The following CNTNAP2 variants were observed in gnomAD, a reference collection of about 807,000 sequenced individuals.
CNTNAP2 encodes the protein contactin-associated protein-like 2.
A neutral mutation model predicts 155.2 loss-of-function variants in CNTNAP2; 98 were observed. The observed-to-expected ratio is 0.63, with a 90% CI of 0.54 to 0.75. CNTNAP2 has a LOEUF of 0.75. Ranked by LOEUF, CNTNAP2 falls within the 30% of genes least tolerant of loss-of-function variation. The probability of loss-of-function intolerance (pLI) is 0.00; values close to 1 mark genes in which losing one functional copy is unlikely to be tolerated. For missense variants in CNTNAP2, 1,727 were observed against 1,688.1 expected (o/e 1.02, Z -0.40); for synonymous variants, 651 against 631.2 (o/e 1.03, Z -0.47).
intron 12 of CNTNAP2, among the ~76,000 whole-genome samples, chr7:147,567,171 G>A (rs1314351331): frequency 1.3e-5 from 2 of 152,166 alleles, no homozygotes; most frequent in African/African-American, 2.4e-5. Context: ...ATTAGGGGGT[G>A]TTCTAAATGA....
At chr7:147,713,027 A>G (rs1026579755) in intron 13 of CNTNAP2, among the ~76,000 whole-genome samples, 3 of 152,084 alleles carry the variant, frequency 2.0e-5, no homozygotes, top group Non-Finnish European at 4.4e-5. Context: ...CGATCCCTAA[A>G]CCTCATAATT....
chr7:147,395,205 C>G (rs1796792794), intron 9 of CNTNAP2, among the ~76,000 whole-genome samples: 1 of 151,822 alleles, frequency 6.6e-6, no homozygotes, highest in South Asian at 2.1e-4. Flanking sequence ...ATCAAAGAAA[C>G]AAGAAGAAGA....
At chr7:146,910,852 A>G (rs1004611895) in intron 3 of CNTNAP2, among the ~76,000 whole-genome samples, 1 of 150,424 alleles carries the variant, frequency 6.6e-6, no homozygotes, top group Non-Finnish European at 1.5e-5. Context: ...AGAAACTACC[A>G]TCAGAGTGAA....
At chr7:147,243,274 G>A (rs1803984107) in intron 8 of CNTNAP2, among the ~76,000 whole-genome samples, 1 of 151,976 alleles carries the variant, frequency 6.6e-6, no homozygotes, top group African/African-American at 2.4e-5. Flanking sequence ...GGGATTACAG[G>A]TGTGAGCCAC....
At chr7:147,704,273 A>G (rs1796277625) in intron 13 of CNTNAP2, 1 of 155,782 alleles carries the variant, frequency 6.4e-6, no homozygotes, top group Non-Finnish European at 1.5e-5. Context: ...CCCTAAAAAA[A>G]TACAATAAAG....
chr7:148,247,460 A>G (rs1796282440), intron 20 of CNTNAP2, among the ~76,000 whole-genome samples: 1 of 151,892 alleles, frequency 6.6e-6, no homozygotes, highest in Non-Finnish European at 1.5e-5. Flanking sequence ...ATCAGCAAAT[A>G]AGCATGCAGA....
chr7:146,757,412 T>A (rs1375995160), intron 1 of CNTNAP2, among the ~76,000 whole-genome samples: 15 of 152,186 alleles, frequency 9.9e-5, no homozygotes, highest in Admixed American at 9.8e-4. Context: ...CTTAAATAAG[T>A]TTAATTTCTT....
chr7:146,410,673 A>G (rs1186011585), intron 1 of CNTNAP2, among the ~76,000 whole-genome samples: 6 of 152,048 alleles, frequency 3.9e-5, no homozygotes, highest in Admixed American at 6.6e-5. Context: ...GATAGACTTG[A>G]GTGTGTGTTG....
At chr7:148,243,574 G>C (rs1303820226) in intron 20 of CNTNAP2, among the ~76,000 whole-genome samples, 1 of 152,136 alleles carries the variant, frequency 6.6e-6, no homozygotes, top group Non-Finnish European at 1.5e-5. Context: ...GCAAGAGAGA[G>C]AGCGCTTGTG....
In CNTNAP2 at chr7:148,061,964, TAG is replaced by T. The variant is rs1215627627; in HGVS notation, c.2384-56152_2384-56151del. 1.7e-3 allele frequency among the ~76,000 whole-genome samples: 185 copies of T among 110,332 alleles called. 1 individual carries two copies. Among genetic ancestry groups the T allele is most frequent in the African/African-American group, 7.7e-3 (161 of 20,936 alleles). The allele number at this position is 110,332 out of a possible 152,430, so 72.4% of individuals were successfully genotyped here. A position where few individuals can be genotyped will look rare whatever the true frequency, so the allele number is the denominator to read the frequency against. On this transcript the variant is annotated intron_variant, in intron 15 of 23. Coordinates refer to ENST00000361727, the MANE Select transcript of CNTNAP2 (RefSeq NM_014141.6). ...AGATAGATAAACAGATATAGATAGA[TAG>T]ATAGATAGATAGATAGATAGATAGA...
intron 23 of CNTNAP2, among the ~76,000 whole-genome samples, chr7:148,414,156 A>AGCCTCC (rs1204997891): frequency 2.4e-5 from 3 of 125,192 alleles, no homozygotes; most frequent in Non-Finnish European, 4.8e-5. Context: ...GGCTCACTGC[A>AGCCTCC]GCCTCCGCCT....
At chr7:147,486,167 A>C in intron 11 of CNTNAP2, 126 bp downstream of exon 11, 1 of 695,658 alleles carries the variant, frequency 1.4e-6, no homozygotes, top group South Asian at 1.9e-5. Context: ...AAAAACCAAG[A>C]TTCCAATTGT....
chr7:147,926,530 A>C (rs2116791135), intron 14 of CNTNAP2, among the ~76,000 whole-genome samples: 1 of 152,356 alleles, frequency 6.6e-6, no homozygotes, highest in South Asian at 2.1e-4. Flanking sequence ...TAAAGTCAAC[A>C]TCTTTTTACT....
chr7:147,296,824 T>C (rs910623064), intron 8 of CNTNAP2, among the ~76,000 whole-genome samples: 34 of 152,290 alleles, frequency 2.2e-4, no homozygotes, highest in African/African-American at 7.7e-4. Context: ...TATGGGCACC[T>C]GAGTTCTAGC....
chr7:147,184,814 G>T (rs1026429981), intron 8 of CNTNAP2, among the ~76,000 whole-genome samples: 4 of 152,092 alleles, frequency 2.6e-5, no homozygotes, highest in African/African-American at 9.7e-5. Flanking sequence ...GTTAAAGAAA[G>T]AACATGTTGG....
chr7:148,058,406 TTC>T (rs1417786716), intron 15 of CNTNAP2, among the ~76,000 whole-genome samples: 6 of 152,168 alleles, frequency 3.9e-5, no homozygotes, highest in African/African-American at 1.4e-4. Flanking sequence ...TCCAGGGCCC[TTC>T]TCGTTTTGCC....
At chr7:146,807,100 TATTAAA>T (rs1802981616) in intron 2 of CNTNAP2, among the ~76,000 whole-genome samples, 1 of 152,206 alleles carries the variant, frequency 6.6e-6, no homozygotes, top group African/African-American at 2.4e-5. Flanking sequence ...ATTTTATAGC[TATTAAA>T]ATTATACAAA....
At chr7:147,216,623 A>C (rs559268249) in intron 8 of CNTNAP2, among the ~76,000 whole-genome samples, 1 of 152,012 alleles carries the variant, frequency 6.6e-6, no homozygotes, top group East Asian at 1.9e-4. Flanking sequence ...TCAAAGCTTC[A>C]ACTTTGTTCT....
intron 1 of CNTNAP2, among the ~76,000 whole-genome samples, chr7:146,322,317 A>G (rs1282169061): frequency 6.6e-6 from 1 of 152,198 alleles, no homozygotes; most frequent in Non-Finnish European, 1.5e-5. Flanking sequence ...AGGTTTTAAC[A>G]GGACAAGGGA....
Sources: allele counts gnomAD v4.1 joint callset (sites outside exome capture counted in the v4.1 genomes callset), GRCh38; gene constraint gnomAD v4.1.1; transcripts MANE v1.5; gene names NCBI Gene and HGNC (gene_info 2026-07-23, HGNC 2026-07-21).